Variants in TNFRSF21 observed in about 807,000 individuals in gnomAD.
TNFRSF21 encodes the protein TNF receptor superfamily member 21.
In TNFRSF21, 19 loss-of-function variants were observed where a neutral mutation model predicts 45.6. That is an observed-to-expected ratio of 0.42 (90% CI 0.29 to 0.61). The LOEUF (loss-of-function observed/expected upper bound fraction) is 0.61. Ranked by LOEUF, TNFRSF21 falls within the 20% of genes least tolerant of loss-of-function variation. TNFRSF21 has a pLI of 0.23. For synonymous variants in TNFRSF21, 314 were observed against 335.5 expected, an observed-to-expected ratio of 0.94 and a Z score of 0.70; for missense variants, 737 against 851.5, an observed-to-expected ratio of 0.87 and a Z score of 1.67.
intron 1 of TNFRSF21, among the ~76,000 whole-genome samples, chr6:47,292,865 T>C (rs1170919251): frequency 1.3e-5 from 2 of 152,200 alleles, no homozygotes; most frequent in Middle Eastern, 3.2e-3. Flanking sequence ...GCTGTTCCCA[T>C]TGATTTTTGT....
chr6:47,304,854 A>G (rs1762917126), intron 1 of TNFRSF21, among the ~76,000 whole-genome samples: 1 of 152,178 alleles, frequency 6.6e-6, no homozygotes, highest in Non-Finnish European at 1.5e-5. Flanking sequence ...ATATGCCTTC[A>G]GAAACAGTTC....
At chr6:47,283,594 T>C (rs1561948788) in intron 3 of TNFRSF21, among the ~76,000 whole-genome samples, 1 of 152,214 alleles carries the variant, frequency 6.6e-6, no homozygotes, top group Non-Finnish European at 1.5e-5. Flanking sequence ...ACAACTAGCC[T>C]CTTGTTTGGA....
At position 47,286,080 on chromosome 6, in the gene TNFRSF21, G is replaced by C; in HGVS notation, c.612C>G (p.Thr204=). The change falls in exon 2 of 6, where the codon ACC becomes ACG. Residue 204 remains threonine (T), a synonymous_variant. Transcript: ENST00000296861. ...SQNLVVIKPG[T]KETDNVCGTL... is the part of the protein sequence containing the mutation. ...TGCCACAGACGTTGTCTGTCTCCTT[G>C]GTCCCCGGCTTGATCACCACCAGGT... 6.2e-7 allele frequency: 1 copy of C among 1,614,186 alleles called. No individual in the cohort carries two copies. The highest frequency in any genetic ancestry group is 1.1e-5 in the South Asian group (1 of 91,080).
intron 1 of TNFRSF21, among the ~76,000 whole-genome samples, chr6:47,301,333 C>T (rs2113870617): frequency 6.6e-6 from 1 of 152,264 alleles, no homozygotes; most frequent in South Asian, 2.1e-4. Flanking sequence ...ACAATATTAG[C>T]CCTGAGCTTT....
At chr6:47,288,925 T>G (rs1582353693) in intron 1 of TNFRSF21, among the ~76,000 whole-genome samples, 1 of 152,334 alleles carries the variant, frequency 6.6e-6, no homozygotes, top group African/African-American at 2.4e-5. Flanking sequence ...AGCATGGGCC[T>G]GCAGCCACCC....
chr6:47,237,791 TATA>T (rs1202232622), intron 4 of TNFRSF21, among the ~76,000 whole-genome samples: 4 of 152,186 alleles, frequency 2.6e-5, no homozygotes, highest in Non-Finnish European at 5.9e-5. Flanking sequence ...CCAGTTGACC[TATA>T]ATACTAGCAC....
In TNFRSF21 at chr6:47,289,387, T is replaced by C. The variant is rs185131832; in HGVS notation, c.97-2792A>G. Among the ~76,000 whole-genome samples the C allele has an allele frequency of 1.9e-3, 296 of 152,320 alleles. 2 individuals are homozygous for C. The highest frequency in any genetic ancestry group is 6.7e-3 in the African/African-American group (278 of 41,572). On this transcript the variant is annotated intron_variant, in intron 1 of 5. Coordinates refer to ENST00000296861, the MANE Select transcript of TNFRSF21 (RefSeq NM_014452.5). ...TCCCTTCCCCTGTCCCAGAGCTGCC[T>C]ATCTAGTTAAATAACAATACAGAAA...
intron 3 of TNFRSF21, among the ~76,000 whole-genome samples, chr6:47,275,664 G>GAA (rs11406009): frequency 2.6e-5 from 4 of 151,232 alleles, no homozygotes; most frequent in African/African-American, 4.8e-5. Flanking sequence ...TTTAAAAAAA[G>GAA]AAAAAAAAAT....
intron 1 of TNFRSF21, among the ~76,000 whole-genome samples, chr6:47,289,453 C>A (rs570227954): frequency 2.6e-5 from 4 of 152,110 alleles, no homozygotes; most frequent in East Asian, 1.9e-4. Context: ...TTTTTTCTGT[C>A]GAGACCCTCC....
At chr6:47,272,108 G>A (rs868333157) in intron 3 of TNFRSF21, among the ~76,000 whole-genome samples, 59 of 152,182 alleles carry the variant, frequency 3.9e-4, no homozygotes, top group East Asian at 5.8e-4. Context: ...ACAGATCAAC[G>A]AAACAGAAGG....
chr6:47,308,175 A>C (rs34050294), intron 1 of TNFRSF21, among the ~76,000 whole-genome samples: 4,898 of 152,338 alleles, frequency 0.032, 107 homozygotes, highest in African/African-American at 0.067. Context: ...ACAAACTTTT[A>C]TTTAGTCTCT....
chr6:47,274,730 G>A (rs968412079), intron 3 of TNFRSF21, among the ~76,000 whole-genome samples: 1 of 152,084 alleles, frequency 6.6e-6, no homozygotes, highest in Non-Finnish European at 1.5e-5. Context: ...AATTTTTGCA[G>A]TCTACCCATC....
chr6:47,307,611 C>A (rs1419260248), intron 1 of TNFRSF21, among the ~76,000 whole-genome samples: 1 of 152,158 alleles, frequency 6.6e-6, no homozygotes, highest in African/African-American at 2.4e-5. Context: ...TGGACTCAAG[C>A]AATCCTCCCA....
At chr6:47,301,907 A>C (rs1436144324) in intron 1 of TNFRSF21, among the ~76,000 whole-genome samples, 2 of 152,102 alleles carry the variant, frequency 1.3e-5, no homozygotes, top group African/African-American at 4.8e-5. Context: ...CAGCTAAATT[A>C]TTCTGGGGAC....
Position 47,232,624 on chromosome 6 carries a change from A to AACACACACACACAC in TNFRSF21, c.*127_*140dup, listed in dbSNP as rs34093099. On this transcript the variant is annotated 3_prime_UTR_variant, in exon 6 of 6. Coordinates refer to ENST00000296861, the MANE Select transcript of TNFRSF21 (RefSeq NM_014452.5). Reference sequence around the variant, plus strand: ...CAAGCACTGGCCATATTCTCTGTTAAACACACACACACACACACACACACA... The same window carrying AACACACACACACAC: ...CAAGCACTGGCCATATTCTCTGTTAAACACACACACACACACACACACACACACACACACACACA... 0.022 allele frequency: 12,592 copies of AACACACACACACAC among 560,644 alleles called. 63 individuals carry two copies. Among genetic ancestry groups the AACACACACACACAC allele is most frequent in the Middle Eastern group, 0.03 (61 of 2,066 alleles). The allele number at this position is 560,644 out of a possible 1,614,324, so 34.7% of individuals were successfully genotyped here. A position where few individuals can be genotyped will look rare whatever the true frequency, so the allele number is the denominator to read the frequency against.
At chr6:47,236,205 C>T (rs1217404038) in intron 4 of TNFRSF21, among the ~76,000 whole-genome samples, 1 of 152,206 alleles carries the variant, frequency 6.6e-6, no homozygotes, top group Admixed American at 6.5e-5. Flanking sequence ...CATCAGAACT[C>T]TGGCAGGCAC....
chr6:47,255,511 G>C (rs765779966), intron 3 of TNFRSF21, among the ~76,000 whole-genome samples: 5 of 151,876 alleles, frequency 3.3e-5, no homozygotes, highest in East Asian at 1.9e-4. Flanking sequence ...AGCTAGGCTG[G>C]AGTGCAATGG....
At chr6:47,254,440 C>T (rs1351435766) in intron 3 of TNFRSF21, among the ~76,000 whole-genome samples, 1 of 152,218 alleles carries the variant, frequency 6.6e-6, no homozygotes, top group Non-Finnish European at 1.5e-5. Flanking sequence ...GAAAGCTAAA[C>T]TGTGGATAAG....
At chr6:47,298,284 TA>T (rs558717941) in intron 1 of TNFRSF21, among the ~76,000 whole-genome samples, 3,923 of 74,424 alleles carry the variant, frequency 0.053, 62 homozygotes, top group Non-Finnish European at 0.075. Flanking sequence ...TACAAAAAAT[TA>T]AAAAAAAAAA....
Sources: allele counts gnomAD v4.1 joint callset (sites outside exome capture counted in the v4.1 genomes callset), GRCh38; gene constraint gnomAD v4.1.1; transcripts MANE v1.5; gene names NCBI Gene and HGNC (gene_info 2026-07-23, HGNC 2026-07-21).